Variants in KSR1 observed in about 807,000 individuals in gnomAD.
KSR1 encodes kinase suppressor of ras 1.
In KSR1, 35 loss-of-function variants were observed where a neutral mutation model predicts 92.9. The ratio of observed to expected loss-of-function variants is 0.38; its 90% CI spans 0.29 to 0.50. The LOEUF (loss-of-function observed/expected upper bound fraction) is 0.50. KSR1 is among the 20% of genes least tolerant of loss of function. The pLI, the probability that KSR1 is intolerant of heterozygous loss-of-function variation, is 0.94. For missense variants in KSR1, 972 were observed against 1,158.5 expected (o/e 0.84, Z 2.34); for synonymous variants, 467 against 472.6 (o/e 0.99, Z 0.15).
intron 14 of KSR1, among the ~76,000 whole-genome samples, chr17:27,606,698 T>A (rs927308370): frequency 2.6e-5 from 4 of 151,562 alleles, no homozygotes; most frequent in Admixed American, 6.6e-5. Context: ...ACCAATGTTA[T>A]CTCCTGGAGT....
At chr17:27,597,849 T>C (rs923437212) in intron 10 of KSR1, among the ~76,000 whole-genome samples, 9 of 152,206 alleles carry the variant, frequency 5.9e-5, no homozygotes, top group Non-Finnish European at 1.0e-4. Context: ...GGAGGGAATC[T>C]GGGGTCCTGC....
At chr17:27,512,073 T>TC (rs1202615914) in intron 1 of KSR1, among the ~76,000 whole-genome samples, 1 of 152,170 alleles carries the variant, frequency 6.6e-6, no homozygotes, top group East Asian at 1.9e-4. Flanking sequence ...GAACCCCTTA[T>TC]CCCCTCATCA....
chr17:27,503,426 G>T (rs940007), intron 1 of KSR1, among the ~76,000 whole-genome samples: 11 of 152,018 alleles, frequency 7.2e-5, no homozygotes, highest in African/African-American at 2.2e-4. Flanking sequence ...GATCTAGGCC[G>T]GGTGGCTCCT....
chr17:27,542,741 CAG>C (rs1393473607), intron 1 of KSR1, among the ~76,000 whole-genome samples: 1 of 152,198 alleles, frequency 6.6e-6, no homozygotes, highest in Non-Finnish European at 1.5e-5. Flanking sequence ...GTAACACTAA[CAG>C]AGTTCTATTT....
At chr17:27,609,950 G>A (rs982755124) in intron 16 of KSR1, 117 bp from the exon 17 acceptor site, 1 of 1,321,822 alleles carries the variant, frequency 7.6e-7, no homozygotes, top group Non-Finnish European at 1.0e-6. Flanking sequence ...GGGTCTGGGT[G>A]TGTTTTCTAA....
At chr17:27,487,685 G>C (rs769081568) in intron 1 of KSR1, among the ~76,000 whole-genome samples, 5 of 151,834 alleles carry the variant, frequency 3.3e-5, no homozygotes, top group Non-Finnish European at 7.4e-5. Context: ...TAGAGGCGGC[G>C]TCTCACCCTG....
In KSR1 at chr17:27,459,712, C is replaced by A. The variant is rs2019344022; in HGVS notation, c.231+2838C>A. ...AGAATCTGAGGAGCCCCAGCTCACTCTGGCCTTCATTAAATAAACACTCAG... is the reference window on the plus strand; with the variant it reads ...AGAATCTGAGGAGCCCCAGCTCACTATGGCCTTCATTAAATAAACACTCAG... On this transcript the variant is annotated intron_variant, in intron 1 of 20. Transcript: ENST00000644974. This position sits in a 1 kb window ranked among gnomAD's most constrained non-coding sequence, Gnocchi z 4.6. Among the ~76,000 whole-genome samples, 1 of 152,246 alleles carries A rather than the reference C, an allele frequency of 6.6e-6. No individual in the cohort carries two copies. Among genetic ancestry groups the A allele is most frequent in the South Asian group, 2.1e-4 (1 of 4,834 alleles).
At chr17:27,547,540 G>A (rs1432317907) in intron 1 of KSR1, among the ~76,000 whole-genome samples, 1 of 152,122 alleles carries the variant, frequency 6.6e-6, no homozygotes, top group Non-Finnish European at 1.5e-5. Flanking sequence ...TAAAGTTATG[G>A]CAGTTATTAG....
intron 18 of KSR1, among the ~76,000 whole-genome samples, chr17:27,615,196 C>T (rs1169178400): frequency 6.6e-6 from 1 of 152,236 alleles, no homozygotes; most frequent in Non-Finnish European, 1.5e-5. Context: ...ATTTCTGCTG[C>T]ACCACTTTGG....
intron 6 of KSR1, 85 bp downstream of exon 6, chr17:27,588,620 A>C: frequency 1.7e-5 from 21 of 1,266,174 alleles, no homozygotes; most frequent in Non-Finnish European, 2.2e-5. Context: ...ACTGTTTCTC[A>C]GCGAGCTCTT....
At position 27,509,842 on chromosome 17, in the gene KSR1, AAAAT is replaced by A. The variant is rs982400322; in HGVS notation, c.232-40714_232-40711del. Among the ~76,000 whole-genome samples the A allele has an allele frequency of 5.3e-5, 8 of 152,198 alleles. 1 individual carries two copies. Among genetic ancestry groups the A allele is most frequent in the South Asian group, 4.1e-4 (2 of 4,830 alleles). ...GCAACAGAACAAGACCCTGTCTCAAAAAATAAATAAATAAAATAAAAGCCAGAGC... is the reference window on the plus strand; with the variant it reads ...GCAACAGAACAAGACCCTGTCTCAAAAAATAAATAAAATAAAAGCCAGAGC... On this transcript the variant is annotated intron_variant, in intron 1 of 20. Coordinates refer to ENST00000644974, the MANE Select transcript of KSR1 (RefSeq NM_001394583.1).
intron 1 of KSR1, among the ~76,000 whole-genome samples, chr17:27,519,912 G>A (rs1597932619): frequency 6.6e-6 from 1 of 152,122 alleles, no homozygotes; most frequent in African/African-American, 2.4e-5. Context: ...TAGTAAAACT[G>A]TTTCCCCAGC....
chr17:27,469,685 A>T (rs1040072355), intron 1 of KSR1, among the ~76,000 whole-genome samples: 2 of 152,138 alleles, frequency 1.3e-5, no homozygotes, highest in Admixed American at 1.3e-4. Flanking sequence ...GAAGGAGTTC[A>T]GTGTTTCCCC....
At chr17:27,468,910 G>A (rs531278753) in intron 1 of KSR1, among the ~76,000 whole-genome samples, 5 of 152,122 alleles carry the variant, frequency 3.3e-5, no homozygotes, top group East Asian at 1.9e-4. Context: ...CAGACCCAGC[G>A]GAATCCCACT....
chr17:27,528,754 A>T (rs866588660), intron 1 of KSR1, among the ~76,000 whole-genome samples: 69 of 152,134 alleles, frequency 4.5e-4, no homozygotes, highest in African/African-American at 1.5e-3. Context: ...AAATAAAAAA[A>T]GTTAGCTGGG....
chr17:27,557,842 T>C (rs1239334121), intron 2 of KSR1, among the ~76,000 whole-genome samples: 1 of 152,160 alleles, frequency 6.6e-6, no homozygotes, highest in Non-Finnish European at 1.5e-5. Flanking sequence ...GTAAGTTGTA[T>C]ACCATGCTCT....
At chr17:27,543,701 G>A (rs1333881784) in intron 1 of KSR1, among the ~76,000 whole-genome samples, 1 of 152,206 alleles carries the variant, frequency 6.6e-6, no homozygotes, top group East Asian at 1.9e-4. Context: ...GGTTACGGGT[G>A]CAGATGTTCC....
rs1035704769 is a variant in KSR1, at chr17:27,456,610, C to T, written c.-34C>T. ...GCCGAGGCGCCCGCGCCCCGGGCTC[C>T]CAGCCTCGGCCGCCGCGGCCCCGAT... is the stretch of plus-strand genomic sequence containing the variant. On this transcript the variant is annotated 5_prime_UTR_variant, in exon 1 of 21. Coordinates refer to ENST00000644974, the MANE Select transcript of KSR1 (RefSeq NM_001394583.1). 4 of 473,542 alleles carry T rather than the reference C, an allele frequency of 8.4e-6. No individual in the cohort carries two copies. Among genetic ancestry groups the T allele is most frequent in the Middle Eastern group, 5.3e-4 (1 of 1,892 alleles). 29.3% of individuals were successfully genotyped at this position (473,542 alleles called of 1,614,324 possible).
chr17:27,576,009 A>G (rs1411528680), intron 2 of KSR1, among the ~76,000 whole-genome samples: 1 of 152,086 alleles, frequency 6.6e-6, no homozygotes, highest in Non-Finnish European at 1.5e-5. Context: ...GGCAGAATCC[A>G]TTTCCTTGTG....
Sources: allele counts gnomAD v4.1 joint callset (sites outside exome capture counted in the v4.1 genomes callset), GRCh38; gene constraint gnomAD v4.1.1; non-coding constraint Gnocchi (gnomAD v3.1); transcripts MANE v1.5; gene names NCBI Gene and HGNC (gene_info 2026-07-23, HGNC 2026-07-21).